Variants in LRRC7 observed in about 807,000 individuals in gnomAD.
The protein encoded by LRRC7 is leucine-rich repeat-containing protein 7.
In LRRC7, 23 loss-of-function variants were observed where a neutral mutation model predicts 175.7. The ratio of observed to expected loss-of-function variants is 0.13; its 90% CI spans 0.09 to 0.19. The LOEUF is 0.19. Among genes scored for constraint, LRRC7 ranks in the 10% least tolerant of loss-of-function variants. The pLI, the probability that LRRC7 is intolerant of heterozygous loss-of-function variation, is 1.00. For synonymous variants in LRRC7, 685 were observed against 680.9 expected, an observed-to-expected ratio of 1.01 and a Z score of -0.09; for missense variants, 1,354 against 1,904.7, an observed-to-expected ratio of 0.71 and a Z score of 5.38.
chr1:69,829,065 C>T (rs1680248954), intron 5 of LRRC7, among the ~76,000 whole-genome samples: 1 of 151,818 alleles, frequency 6.6e-6, no homozygotes, highest in African/African-American at 2.4e-5. Context: ...AAAATTCTTA[C>T]TAAATAAAAG....
At chr1:69,868,281 T>A (rs1293204636) in intron 7 of LRRC7, among the ~76,000 whole-genome samples, 1 of 152,104 alleles carries the variant, frequency 6.6e-6, no homozygotes, top group East Asian at 1.9e-4. Context: ...GGAAGGAAAA[T>A]AATTAAACAG....
chr1:70,011,230 G>A (rs1376285356), intron 11 of LRRC7, among the ~76,000 whole-genome samples: 1 of 152,054 alleles, frequency 6.6e-6, no homozygotes, highest in African/African-American at 2.4e-5. Flanking sequence ...ATTTTGTGTG[G>A]CTTTGAAGAA....
chr1:69,916,066 TTA>T (rs1402026818), intron 7 of LRRC7, among the ~76,000 whole-genome samples: 3 of 134,116 alleles, frequency 2.2e-5, no homozygotes, highest in African/African-American at 6.1e-5. Flanking sequence ...TATGTATATT[TTA>T]TATATATAAT....
At chr1:70,120,926 G>A (rs999577931) in intron 26 of LRRC7, among the ~76,000 whole-genome samples, 26 of 151,998 alleles carry the variant, frequency 1.7e-4, no homozygotes, top group African/African-American at 5.3e-4. Flanking sequence ...ACTTCTTTCT[G>A]TATTAATAAT....
At chr1:69,663,842 C>T (rs1244675392) in intron 1 of LRRC7, among the ~76,000 whole-genome samples, 4 of 151,084 alleles carry the variant, frequency 2.6e-5, no homozygotes, top group Non-Finnish European at 5.9e-5. Flanking sequence ...CTGCCTCAGC[C>T]TCCCGAGTAG....
intron 7 of LRRC7, among the ~76,000 whole-genome samples, chr1:69,853,538 A>C (rs1683251434): frequency 6.6e-6 from 1 of 151,972 alleles, no homozygotes; most frequent in African/African-American, 2.4e-5. Flanking sequence ...TGGCCTCCCA[A>C]AGTGCTGGGA....
At chr1:69,663,095 A>G (rs1259352041) in intron 1 of LRRC7, among the ~76,000 whole-genome samples, 2 of 152,106 alleles carry the variant, frequency 1.3e-5, no homozygotes, top group South Asian at 4.1e-4. Flanking sequence ...TAAGATAGAA[A>G]TCTTATTTCT....
At chr1:69,643,102 G>C (rs1214381072) in intron 1 of LRRC7, among the ~76,000 whole-genome samples, 1 of 152,056 alleles carries the variant, frequency 6.6e-6, no homozygotes, top group African/African-American at 2.4e-5. Flanking sequence ...AGGGGCTCCT[G>C]TGTCCAAGGG....
chr1:69,760,133 G>A (rs1670874706), intron 2 of LRRC7, 58 bp from the exon 3 acceptor site: 1 of 1,548,392 alleles, frequency 6.5e-7, no homozygotes. Flanking sequence ...TTACAAGAAT[G>A]CCTTCCAAGG....
Position 70,021,147 on chromosome 1 carries a change from T to C in LRRC7, c.1545+18T>C. The C allele has an allele frequency of 2.5e-6, 4 of 1,603,902 alleles. No homozygotes were observed. The highest frequency in any genetic ancestry group is 3.4e-6 in the Non-Finnish European group (4 of 1,174,798). ...AAGTTAAGGTGAACCTTTTAGCTTT[T>C]GTTTCCTCTTTCTTCTCCTTATCTT... On this transcript the variant is annotated intron_variant, in intron 16 of 26. Transcript: ENST00000651989.
chr1:69,917,730 C>A (rs1646763627), intron 7 of LRRC7, among the ~76,000 whole-genome samples: 1 of 152,106 alleles, frequency 6.6e-6, no homozygotes, highest in Non-Finnish European at 1.5e-5. Flanking sequence ...TTTCCTTTTC[C>A]ATTCATGAGA....
At chr1:70,121,734 G>T in intron 26 of LRRC7, 46 bp from the exon 27 acceptor site, 1 of 1,237,652 alleles carries the variant, frequency 8.1e-7, no homozygotes, top group South Asian at 1.3e-5. Context: ...ACGATACAGT[G>T]ATAATAGTTT....
intron 1 of LRRC7, among the ~76,000 whole-genome samples, chr1:69,603,190 G>T (rs990956271): frequency 6.6e-6 from 1 of 152,000 alleles, no homozygotes; most frequent in Non-Finnish European, 1.5e-5. Flanking sequence ...CATAAATCCA[G>T]CATGATCTCA....
intron 1 of LRRC7, among the ~76,000 whole-genome samples, chr1:69,630,016 C>G (rs535409390): frequency 5.3e-5 from 8 of 152,058 alleles, no homozygotes; most frequent in Admixed American, 5.2e-4. Flanking sequence ...GCATGTGCAC[C>G]TATCCTCTTT....
At chr1:69,963,212 G>A (rs1358096250) in intron 8 of LRRC7, among the ~76,000 whole-genome samples, 1 of 151,516 alleles carries the variant, frequency 6.6e-6, no homozygotes, top group East Asian at 1.9e-4. Flanking sequence ...GGCTGAGTCA[G>A]GAGAATTGCT....
At chr1:69,755,907 G>A (rs370248478) in intron 2 of LRRC7, among the ~76,000 whole-genome samples, 1 of 151,860 alleles carries the variant, frequency 6.6e-6, no homozygotes, top group East Asian at 1.9e-4. Context: ...TCATTCTTCA[G>A]TATAGGAAGA....
intron 7 of LRRC7, among the ~76,000 whole-genome samples, chr1:69,840,982 CTTTGTTTGCTTA>C (rs1681663169): frequency 6.6e-6 from 1 of 151,742 alleles, no homozygotes; most frequent in Non-Finnish European, 1.5e-5. Context: ...AAAACCAAGC[CTTTGTTTGCTTA>C]TTTGTTTGCT....
At chr1:69,731,245 T>C (rs1172860206) in intron 2 of LRRC7, among the ~76,000 whole-genome samples, 1 of 152,032 alleles carries the variant, frequency 6.6e-6, no homozygotes, top group Non-Finnish European at 1.5e-5. Flanking sequence ...GAGCTTGCAG[T>C]GAGCCAAGAT....
intron 2 of LRRC7, among the ~76,000 whole-genome samples, chr1:69,724,071 A>T (rs149439058): frequency 6.6e-6 from 1 of 152,220 alleles, no homozygotes; most frequent in Non-Finnish European, 1.5e-5. Flanking sequence ...TGAATTGTCT[A>T]GTTTAAAATC....
Sources: allele counts gnomAD v4.1 joint callset (sites outside exome capture counted in the v4.1 genomes callset), GRCh38; gene constraint gnomAD v4.1.1; transcripts MANE v1.5; gene names NCBI Gene and HGNC (gene_info 2026-07-23, HGNC 2026-07-21).